GAS7: variants seen among roughly 807,000 people sequenced by gnomAD.
GAS7 encodes growth arrest-specific protein 7.
In GAS7, 28 loss-of-function variants were observed where a neutral mutation model predicts 71.1. That is an observed-to-expected ratio of 0.39 (90% CI 0.29 to 0.54). GAS7 has a LOEUF of 0.54. GAS7 is among the 20% of genes least tolerant of loss of function. GAS7 has a pLI of 0.62. For missense variants in GAS7, 436 were observed against 627.8 expected (o/e 0.69, Z 3.27); for synonymous variants, 258 against 245.8 (o/e 1.05, Z -0.46).
chr17:10,064,750 C>T (rs2073262623), intron 1 of GAS7, among the ~76,000 whole-genome samples: 1 of 122,434 alleles, frequency 8.2e-6, no homozygotes, highest in Non-Finnish European at 1.9e-5. Context: ...AGACTGCTGA[C>T]ACTGTTTGTT....
intron 1 of GAS7, among the ~76,000 whole-genome samples, chr17:10,059,011 G>A (rs776378389): frequency 1.3e-5 from 2 of 152,192 alleles, no homozygotes; most frequent in Non-Finnish European, 2.9e-5. Context: ...TGCTGTCCAC[G>A]CTGTATCCCC....
At position 9,966,915 on chromosome 17, in the gene GAS7, A is replaced by T. The variant is rs9909249; in HGVS notation, c.471+2762T>A. On this transcript the variant is annotated intron_variant, in intron 4 of 13. Coordinates refer to ENST00000432992, the MANE Select transcript of GAS7 (RefSeq NM_201433.2). ...CTTAAAAAAGTAGTAGCTTTTATAT[A>T]CAAATGTTACCCTTTCAAAGCCTAA... Among the ~76,000 whole-genome samples, 6 of 152,170 alleles carry T rather than the reference A, an allele frequency of 3.9e-5. No homozygotes were observed. In the East Asian group the frequency reaches 1.2e-3, roughly 29 times the overall value.
chr17:10,092,399 G>A (rs1436375544), intron 1 of GAS7, among the ~76,000 whole-genome samples: 1 of 152,212 alleles, frequency 6.6e-6, no homozygotes, highest in East Asian at 1.9e-4. Flanking sequence ...AGTGAGGGCA[G>A]GGACTGTGTT....
intron 1 of GAS7, among the ~76,000 whole-genome samples, chr17:10,136,824 A>T (rs2074042194): frequency 6.6e-6 from 1 of 152,184 alleles, no homozygotes; most frequent in Non-Finnish European, 1.5e-5. Flanking sequence ...TTGACCTCTT[A>T]GACCTCAAAT....
intron 3 of GAS7, among the ~76,000 whole-genome samples, chr17:9,973,600 G>A (rs1196128587): frequency 6.6e-6 from 1 of 152,210 alleles, no homozygotes; most frequent in African/African-American, 2.4e-5. Flanking sequence ...TTATAATTCT[G>A]TATCTTCAAC....
In GAS7 at chr17:9,990,394, A is replaced by G. The variant is rs2070796780; in HGVS notation, c.305-8510T>C. The stretch of plus-strand genomic sequence containing the variant: ...AGAGCGAGCGAGCCAGGGGAAAGCA[A>G]GGCAAAGGGTACAATGTCTGTTACA... On this transcript the variant is annotated intron_variant, in intron 2 of 13. Coordinates refer to ENST00000432992, the MANE Select transcript of GAS7 (RefSeq NM_201433.2). Among the ~76,000 whole-genome samples, 4 of 152,352 alleles carry G rather than the reference A, an allele frequency of 2.6e-5. No individual in the cohort carries two copies. In the South Asian group the frequency reaches 8.3e-4, roughly 32 times the overall value.
At position 9,919,685 on chromosome 17, in the gene GAS7, C is replaced by T; in HGVS notation, c.1159G>A (p.Val387Met). 1.2e-6 allele frequency: 2 copies of T among 1,613,654 alleles called. No individual in the cohort carries two copies. The highest frequency in any genetic ancestry group is 1.7e-6 in the Non-Finnish European group (2 of 1,179,546). The stretch of plus-strand genomic sequence containing the variant: ...GACTGGGCCTGGTTGTAGAGATCCA[C>T]ACAGCGCATGAGGTCGTCTCCTGGA... ...TQAGDDLMRC[V>M]DLYNQAQSKW... Residue 387 changes from valine to methionine, a missense_variant, in exon 12 of 14, where the codon GTG becomes ATG. Transcript: ENST00000432992. The surrounding 1 kb of genome is among the most constrained non-coding windows in gnomAD (Gnocchi z 5.0).
intron 1 of GAS7, among the ~76,000 whole-genome samples, chr17:10,049,609 CTTTTTTTTTTTTTTTTTT>C (rs1168627510): frequency 4.3e-5 from 3 of 70,394 alleles, no homozygotes; most frequent in Middle Eastern, 0.013. Context: ...GAAATTACTT[CTTTTTTTTTTTTTTTTTT>C]TTTTTTTTTT....
chr17:9,983,219 G>A (rs1434477406), intron 2 of GAS7, among the ~76,000 whole-genome samples: 1 of 152,118 alleles, frequency 6.6e-6, no homozygotes, highest in East Asian at 1.9e-4. Flanking sequence ...TCCAGGCACA[G>A]TGGTTCATGC....
intron 1 of GAS7, among the ~76,000 whole-genome samples, chr17:10,122,641 T>C (rs2073914064): frequency 1.3e-5 from 2 of 152,028 alleles, no homozygotes; most frequent in South Asian, 4.2e-4. Flanking sequence ...CAATCACAAC[T>C]CCTCCATATG....
intron 1 of GAS7, among the ~76,000 whole-genome samples, chr17:10,143,845 C>A (rs1030517570): frequency 6.6e-6 from 1 of 152,236 alleles, no homozygotes; most frequent in Non-Finnish European, 1.5e-5. Flanking sequence ...GTGGCCCTAG[C>A]AAACTCACAC....
intron 1 of GAS7, among the ~76,000 whole-genome samples, chr17:10,182,334 A>G: frequency 6.6e-6 from 1 of 152,180 alleles, no homozygotes; most frequent in East Asian, 1.9e-4. Context: ...TAATTTTTGC[A>G]TATTTAGTAG....
chr17:10,138,963 G>A (rs2074061129), intron 1 of GAS7, among the ~76,000 whole-genome samples: 1 of 152,114 alleles, frequency 6.6e-6, no homozygotes, highest in African/African-American at 2.4e-5. Flanking sequence ...CTTGAGAGAT[G>A]CTGACAAGAC....
chr17:9,979,234 G>A (rs999815491), intron 3 of GAS7, among the ~76,000 whole-genome samples: 2 of 152,120 alleles, frequency 1.3e-5, no homozygotes, highest in East Asian at 1.9e-4. Flanking sequence ...CATGGAGCAC[G>A]GATACATCTG....
chr17:10,073,986 C>T (rs1243448957), intron 1 of GAS7, among the ~76,000 whole-genome samples: 1 of 152,210 alleles, frequency 6.6e-6, no homozygotes, highest in African/African-American at 2.4e-5. Flanking sequence ...TTATTGGGCA[C>T]CTACTATATG....
At chr17:10,042,605 A>G (rs1456002800) in intron 1 of GAS7, among the ~76,000 whole-genome samples, 1 of 152,214 alleles carries the variant, frequency 6.6e-6, no homozygotes, top group Admixed American at 6.5e-5. Context: ...AAAAAAAGGA[A>G]TAAGTATCAA....
intron 1 of GAS7, among the ~76,000 whole-genome samples, chr17:10,148,387 G>A (rs907458724): frequency 6.6e-6 from 1 of 151,552 alleles, no homozygotes; most frequent in Admixed American, 6.6e-5. Context: ...ATGGTGGGTG[G>A]ATCACAAGGT....
intron 1 of GAS7, among the ~76,000 whole-genome samples, chr17:10,069,597 G>A (rs1341828521): frequency 6.6e-6 from 1 of 152,180 alleles, no homozygotes; most frequent in African/African-American, 2.4e-5. Flanking sequence ...ACTTGCCCAA[G>A]GTCACAGTGT....
Position 9,919,601 on chromosome 17 carries a change from T to C in GAS7, c.1218+25A>G, listed in dbSNP as rs1462366917. 1 of 1,550,330 alleles carries C rather than the reference T, an allele frequency of 6.5e-7. No homozygotes were observed. The highest frequency in any genetic ancestry group is 8.9e-7 in the Non-Finnish European group (1 of 1,121,672). ...CTCTGTGTCAGCCTCTGTACTGCCA[T>C]GTCCACACATCCCTGCCCGCTTACC... is the stretch of plus-strand genomic sequence containing the variant. On this transcript the variant is annotated intron_variant, in intron 12 of 13. Coordinates refer to ENST00000432992, the MANE Select transcript of GAS7 (RefSeq NM_201433.2). This position sits in a 1 kb window ranked among gnomAD's most constrained non-coding sequence, Gnocchi z 5.0.
Sources: gnomAD v4.1 joint callset for allele counts (sites outside exome capture counted in the v4.1 genomes callset) on GRCh38, gnomAD v4.1.1 for gene constraint, Gnocchi (gnomAD v3.1) non-coding constraint, MANE v1.5 for transcripts, NCBI Gene and HGNC (gene_info 2026-07-23, HGNC 2026-07-21) for gene names.